Variants in PLPPR1 observed in about 807,000 individuals in gnomAD.
The protein encoded by PLPPR1 is phospholipid phosphatase related 1.
Under a neutral mutation model 33.1 loss-of-function variants are expected in PLPPR1, and 10 were observed. The ratio of observed to expected loss-of-function variants is 0.30; its 90% CI spans 0.19 to 0.51. PLPPR1 has a LOEUF of 0.51. Ranked by LOEUF, PLPPR1 falls within the 20% of genes least tolerant of loss-of-function variation. The pLI is 0.97. For synonymous variants in PLPPR1, 151 were observed against 151.0 expected (o/e 1.00, Z 0.00); for missense variants, 304 against 408.1 (o/e 0.74, Z 2.20).
At chr9:101,130,017 G>A (rs1588040123) in intron 1 of PLPPR1, among the ~76,000 whole-genome samples, 1 of 152,140 alleles carries the variant, frequency 6.6e-6, no homozygotes, top group Non-Finnish European at 1.5e-5. Flanking sequence ...GCCTGGGGAT[G>A]AGAAAACAGA....
intron 2 of PLPPR1, among the ~76,000 whole-genome samples, chr9:101,243,897 T>A (rs901616217): frequency 6.6e-6 from 1 of 151,776 alleles, no homozygotes; most frequent in Non-Finnish European, 1.5e-5. Flanking sequence ...TATATGACAT[T>A]CCTCCCAGCA....
At chr9:101,170,942 A>G (rs1006445832) in intron 1 of PLPPR1, among the ~76,000 whole-genome samples, 2 of 151,636 alleles carry the variant, frequency 1.3e-5, no homozygotes, top group African/African-American at 4.8e-5. Context: ...CCTGTCTCTT[A>G]AAAAAAAGAA....
At chr9:101,291,797 CCAT>C (rs1828514750) in intron 4 of PLPPR1, among the ~76,000 whole-genome samples, 1 of 152,084 alleles carries the variant, frequency 6.6e-6, no homozygotes, top group South Asian at 2.1e-4. Context: ...CTGTACATCA[CCAT>C]CATCAAAGAC....
At chr9:101,121,678 T>C (rs981673882) in intron 1 of PLPPR1, among the ~76,000 whole-genome samples, 1 of 151,776 alleles carries the variant, frequency 6.6e-6, no homozygotes, top group African/African-American at 2.4e-5. Flanking sequence ...GCAAATGGAG[T>C]GGATATGGTG....
chr9:101,109,982 C>T (rs1328506326), intron 1 of PLPPR1, among the ~76,000 whole-genome samples: 3 of 152,122 alleles, frequency 2.0e-5, no homozygotes, highest in Admixed American at 6.5e-5. Context: ...TCAATAATTT[C>T]CCAGCAAAGT....
chr9:101,160,194 A>T (rs918470746), intron 1 of PLPPR1, among the ~76,000 whole-genome samples: 4 of 152,200 alleles, frequency 2.6e-5, no homozygotes, highest in African/African-American at 9.6e-5. Context: ...ACCTTCCTCC[A>T]ACTAGAAAAG....
chr9:101,189,403 C>T (rs1826257362), intron 2 of PLPPR1, among the ~76,000 whole-genome samples: 1 of 152,048 alleles, frequency 6.6e-6, no homozygotes, highest in African/African-American at 2.4e-5. Flanking sequence ...AGAGAATAGA[C>T]TGTAAATGTT....
intron 2 of PLPPR1, among the ~76,000 whole-genome samples, chr9:101,215,158 GTT>G (rs753917978): frequency 8.2e-4 from 125 of 152,254 alleles, no homozygotes; most frequent in Non-Finnish European, 1.5e-3. Flanking sequence ...ATTTAGCAGA[GTT>G]TATCTGAACA....
At chr9:101,257,496 G>T (rs1313862500) in intron 2 of PLPPR1, among the ~76,000 whole-genome samples, 1 of 152,146 alleles carries the variant, frequency 6.6e-6, no homozygotes, top group Non-Finnish European at 1.5e-5. Flanking sequence ...GAGGGATTGG[G>T]ATAGTCACAC....
chr9:101,307,483 T>C (rs2118951639), intron 4 of PLPPR1, among the ~76,000 whole-genome samples: 1 of 152,240 alleles, frequency 6.6e-6, no homozygotes, highest in East Asian at 1.9e-4. Context: ...CATTCAGACT[T>C]CCAGTACCTG....
intron 1 of PLPPR1, among the ~76,000 whole-genome samples, chr9:101,184,576 T>C (rs1197099450): frequency 6.6e-6 from 1 of 151,928 alleles, no homozygotes; most frequent in East Asian, 1.9e-4. Context: ...CTGAAATGTG[T>C]AGTATTGCTT....
chr9:101,036,434 CTCTT>C (rs1319297384), intron 1 of PLPPR1, among the ~76,000 whole-genome samples: 2 of 152,056 alleles, frequency 1.3e-5, no homozygotes, highest in African/African-American at 4.8e-5. Flanking sequence ...CTCTATTTAT[CTCTT>C]TGTCTTAGGG....
At chr9:101,075,496 G>A (rs1434034725) in intron 1 of PLPPR1, among the ~76,000 whole-genome samples, 2 of 152,146 alleles carry the variant, frequency 1.3e-5, no homozygotes, top group Admixed American at 6.5e-5. Context: ...TACAGATGAC[G>A]TAGGTCACAA....
chr9:101,295,439 T>G (rs1157897811), intron 4 of PLPPR1, among the ~76,000 whole-genome samples: 2 of 152,046 alleles, frequency 1.3e-5, no homozygotes, highest in Admixed American at 6.6e-5. Context: ...TTCACAGAAT[T>G]GGAAAAAACT....
At chr9:101,244,740 A>T (rs1827553117) in intron 2 of PLPPR1, among the ~76,000 whole-genome samples, 1 of 151,944 alleles carries the variant, frequency 6.6e-6, no homozygotes, top group Non-Finnish European at 1.5e-5. Flanking sequence ...CAATGTTAAA[A>T]CCAAAAATTT....
chr9:101,189,323 C>G (rs147300346), intron 2 of PLPPR1, among the ~76,000 whole-genome samples: 2 of 152,012 alleles, frequency 1.3e-5, no homozygotes, highest in South Asian at 4.2e-4. Context: ...AAGGAATGTC[C>G]GGTTTGATAA....
intron 4 of PLPPR1, among the ~76,000 whole-genome samples, chr9:101,296,504 G>A (rs1828642548): frequency 1.3e-5 from 2 of 151,988 alleles, no homozygotes; most frequent in South Asian, 4.1e-4. Context: ...GCACATGTAT[G>A]TTTATTGCGG....
intron 1 of PLPPR1, among the ~76,000 whole-genome samples, chr9:101,102,143 T>C (rs1239315259): frequency 2.5e-5 from 3 of 120,730 alleles, no homozygotes; most frequent in African/African-American, 3.6e-5. Context: ...TTATTCTTTT[T>C]TTTTTTATTT....
chr9:101,297,404 A>G (rs978565029), intron 4 of PLPPR1, among the ~76,000 whole-genome samples: 2 of 152,190 alleles, frequency 1.3e-5, no homozygotes, highest in African/African-American at 2.4e-5. Flanking sequence ...ATCCAAATTA[A>G]GTTTTAAATG....
Sources: allele counts gnomAD v4.1 joint callset (sites outside exome capture counted in the v4.1 genomes callset), GRCh38; gene constraint gnomAD v4.1.1; transcripts MANE v1.5; gene names NCBI Gene and HGNC (gene_info 2026-07-23, HGNC 2026-07-21).